The following KCNG2 variants were observed in gnomAD, a reference collection of about 807,000 sequenced individuals.
The protein encoded by KCNG2 is potassium voltage-gated channel modifier subfamily G member 2.
Under a neutral mutation model 12.3 loss-of-function variants are expected in KCNG2, and 7 were observed. The observed-to-expected ratio is 0.57, with a 90% CI of 0.32 to 1.07. The LOEUF is 1.07. Ranked by LOEUF, KCNG2 falls within the 50% of genes least tolerant of loss-of-function variation. The probability of loss-of-function intolerance (pLI) is 0.04; values close to 1 mark genes in which losing one functional copy is unlikely to be tolerated. For synonymous variants in KCNG2, 414 were observed against 351.4 expected (o/e 1.18, Z -1.99); for missense variants, 703 against 726.0 (o/e 0.97, Z 0.36).
At chr18:79,835,969 A>G (rs1978321957) in intron 1 of KCNG2, among the ~76,000 whole-genome samples, 1 of 152,248 alleles carries the variant, frequency 6.6e-6, no homozygotes, top group African/African-American at 2.4e-5. Context: ...AAACAGAAAT[A>G]AAGAACAGAG....
intron 1 of KCNG2, among the ~76,000 whole-genome samples, chr18:79,815,095 G>A (rs1179642158): frequency 6.6e-6 from 1 of 152,156 alleles, no homozygotes; most frequent in Non-Finnish European, 1.5e-5. Context: ...ATAGGGAAAT[G>A]TAAGTAAATT....
intron 1 of KCNG2, among the ~76,000 whole-genome samples, chr18:79,828,578 CAT>C (rs1448506143): frequency 6.6e-6 from 1 of 151,284 alleles, no homozygotes; most frequent in Non-Finnish European, 1.5e-5. Flanking sequence ...TGTCTGTGTG[CAT>C]GTGTCTGCAT....
Position 79,899,775 on chromosome 18 carries a change from G to A in KCNG2, c.1360G>A (p.Asp454Asn), listed in dbSNP as rs1205801739. 18 of 1,492,704 alleles carry A rather than the reference G, an allele frequency of 1.2e-5. No homozygotes were observed. Among genetic ancestry groups the A allele is most frequent in the East Asian group, 1.0e-4 (4 of 38,756 alleles). The allele number at this position is 1,492,704 out of a possible 1,614,324, so 92.5% of individuals were successfully genotyped here. ...SQGPDSAGLA[D>N]DSADALWVRA... ...GGGCCCCGACAGCGCGGGCCTGGCC[G>A]ACGACTCCGCGGATGCGCTGTGGGT... Residue 454 changes from aspartate (D) to asparagine (N), a missense_variant, in exon 4 of 4, where the codon GAC becomes AAC. Coordinates refer to ENST00000316249, the MANE Select transcript of KCNG2 (RefSeq NM_012283.2).
chr18:79,799,263 C>T (rs2087388993), intron 1 of KCNG2, among the ~76,000 whole-genome samples: 1 of 152,232 alleles, frequency 6.6e-6, no homozygotes, highest in African/African-American at 2.4e-5. Context: ...GGCACGGACT[C>T]AGCCCTGAGT....
chr18:79,862,371 A>G (rs1979253086), intron 2 of KCNG2, among the ~76,000 whole-genome samples: 1 of 152,236 alleles, frequency 6.6e-6, no homozygotes, highest in South Asian at 2.1e-4. Context: ...CTTAGAGGGC[A>G]GCAAGTGGTG....
chr18:79,860,661 T>C (rs1237606658), intron 2 of KCNG2, among the ~76,000 whole-genome samples: 4 of 35,016 alleles, frequency 1.1e-4, no homozygotes, highest in Non-Finnish European at 2.2e-4. Flanking sequence ...ATTCTCATAG[T>C]GATGTGTGTG....
chr18:79,866,076 C>G (rs1189288694), intron 3 of KCNG2, among the ~76,000 whole-genome samples: 9 of 132,232 alleles, frequency 6.8e-5, no homozygotes, highest in Non-Finnish European at 9.7e-5. Flanking sequence ...GCTGAGAGGT[C>G]TGTGTTCTGA....
chr18:79,896,949 G>C (rs1026865941), intron 3 of KCNG2, among the ~76,000 whole-genome samples: 1 of 152,086 alleles, frequency 6.6e-6, no homozygotes, highest in Non-Finnish European at 1.5e-5. Flanking sequence ...TAAGTCAGCC[G>C]TTTATTTGTG....
chr18:79,804,384 G>C (rs1430531764), intron 1 of KCNG2, among the ~76,000 whole-genome samples: 1 of 152,214 alleles, frequency 6.6e-6, no homozygotes, highest in Non-Finnish European at 1.5e-5. Context: ...CAGGCTCCAG[G>C]GGGGACTCAG....
chr18:79,834,651 A>G (rs1978313992), intron 1 of KCNG2, among the ~76,000 whole-genome samples: 1 of 152,242 alleles, frequency 6.6e-6, no homozygotes, highest in Admixed American at 6.5e-5. Flanking sequence ...AGTGAATGAG[A>G]GACCTATGGC....
At chr18:79,895,504 T>A (rs1980935395) in intron 3 of KCNG2, among the ~76,000 whole-genome samples, 1 of 152,072 alleles carries the variant, frequency 6.6e-6, no homozygotes, top group African/African-American at 2.4e-5. Context: ...TAACGATTGA[T>A]ATAGTTGGGT....
intron 3 of KCNG2, among the ~76,000 whole-genome samples, chr18:79,879,527 G>C (rs1336670628): frequency 1.3e-5 from 2 of 152,178 alleles, no homozygotes; most frequent in Non-Finnish European, 2.9e-5. Flanking sequence ...GGATCTCTCA[G>C]AAGTTAAAAA....
intron 1 of KCNG2, among the ~76,000 whole-genome samples, chr18:79,835,122 A>G (rs1244840544): frequency 2.0e-5 from 3 of 152,172 alleles, no homozygotes; most frequent in Non-Finnish European, 2.9e-5. Flanking sequence ...CTCCCTCACC[A>G]TGGATGTCAA....
chr18:79,882,823 C>G (rs1395641274), intron 3 of KCNG2, among the ~76,000 whole-genome samples: 8 of 151,560 alleles, frequency 5.3e-5, no homozygotes, highest in African/African-American at 1.9e-4. Context: ...GCGTGGAGCG[C>G]GGAGGCCGGG....
Position 79,899,875 on chromosome 18 carries a change from C to A in KCNG2, c.*59C>A, listed in dbSNP as rs974234887. On this transcript the variant is annotated 3_prime_UTR_variant, in exon 4 of 4. Transcript: ENST00000316249. ...CCTCCAGCTGCAGCGTCGGGACCCCCGAGGTGCGCCAAGGGGTGGGGGGCG... is the reference window on the plus strand; with the variant it reads ...CCTCCAGCTGCAGCGTCGGGACCCCAGAGGTGCGCCAAGGGGTGGGGGGCG... 2 of 1,283,098 alleles carry A rather than the reference C, an allele frequency of 1.6e-6. No homozygotes were observed. Among genetic ancestry groups the A allele is most frequent in the Admixed American group, 4.3e-5 (1 of 23,476 alleles). The allele number at this position is 1,283,098 out of a possible 1,614,324, so 79.5% of individuals were successfully genotyped here.
At chr18:79,833,242 C>T (rs1978306042) in intron 1 of KCNG2, among the ~76,000 whole-genome samples, 1 of 152,094 alleles carries the variant, frequency 6.6e-6, no homozygotes, top group South Asian at 2.1e-4. Flanking sequence ...ATCAAGCAAT[C>T]CCCCCATCTC....
At position 79,857,383 on chromosome 18, in the gene KCNG2, T is replaced by G. The variant is rs143909903; in HGVS notation, c.-41+931T>G. ...AGCTTTCTCCCATTCAGAAGCGACTTATGCAATTCTTCACTGGGGTGCTGA... is the reference window on the plus strand; with the variant it reads ...AGCTTTCTCCCATTCAGAAGCGACTGATGCAATTCTTCACTGGGGTGCTGA... On this transcript the variant is annotated intron_variant, in intron 2 of 3. Transcript: ENST00000316249. 1.4e-3 allele frequency among the ~76,000 whole-genome samples: 212 copies of G among 151,910 alleles called. 1 individual carries two copies. Among genetic ancestry groups the G allele is most frequent in the Non-Finnish European group, 2.5e-3 (169 of 67,974 alleles).
Position 79,805,145 on chromosome 18 carries a change from T to G in KCNG2, c.-115+7131T>G, listed in dbSNP as rs139880297. On this transcript the variant is annotated intron_variant, in intron 1 of 3. Coordinates refer to ENST00000316249, the MANE Select transcript of KCNG2 (RefSeq NM_012283.2). ...TCATGGACGTATTTGTAGATACATC[T>G]TTGAAGAAACTTTGCATATCGTCAA... 4.6e-3 allele frequency among the ~76,000 whole-genome samples: 697 copies of G among 152,374 alleles called. 27 individuals carry two copies. Among genetic ancestry groups the G allele is most frequent in the Admixed American group, 0.043 (652 of 15,308 alleles).
chr18:79,871,354 G>T (rs138047554), intron 3 of KCNG2, among the ~76,000 whole-genome samples: 3 of 152,208 alleles, frequency 2.0e-5, no homozygotes, highest in African/African-American at 7.2e-5. Context: ...TGGACAGGAC[G>T]TGGGGTGTGG....
Sources: allele counts gnomAD v4.1 joint callset (sites outside exome capture counted in the v4.1 genomes callset), GRCh38; gene constraint gnomAD v4.1.1; transcripts MANE v1.5; gene names NCBI Gene and HGNC (gene_info 2026-07-23, HGNC 2026-07-21).